LRP2: variants seen among roughly 807,000 people sequenced by gnomAD.
The protein encoded by LRP2 is low-density lipoprotein receptor-related protein 2.
A neutral mutation model predicts 531.0 loss-of-function variants in LRP2; 172 were observed. That is an observed-to-expected ratio of 0.32 (90% CI 0.29 to 0.37). The LOEUF (loss-of-function observed/expected upper bound fraction) is 0.37. LRP2 is among the 10% of genes least tolerant of loss of function. The pLI, the probability that LRP2 is intolerant of heterozygous loss-of-function variation, is 1.00. For missense variants in LRP2, 5,167 were observed against 5,868.3 expected (o/e 0.88, Z 3.90); for synonymous variants, 1,992 against 2,027.6 (o/e 0.98, Z 0.47).
At chr2:169,165,231 TG>T (rs1399049125) in intron 62 of LRP2, among the ~76,000 whole-genome samples, 1 of 152,166 alleles carries the variant, frequency 6.6e-6, no homozygotes, top group Non-Finnish European at 1.5e-5. Flanking sequence ...AAAAAATAAT[TG>T]GAGTCGGGGA....
At chr2:169,310,561 A>G (rs1353433177) in intron 3 of LRP2, among the ~76,000 whole-genome samples, 2 of 152,206 alleles carry the variant, frequency 1.3e-5, no homozygotes, top group Non-Finnish European at 2.9e-5. Flanking sequence ...CAACTTGATC[A>G]TGGTGGATAA....
chr2:169,234,912 G>GTT (rs35329615), intron 29 of LRP2, among the ~76,000 whole-genome samples: 1 of 144,998 alleles, frequency 6.9e-6, no homozygotes, highest in African/African-American at 2.5e-5. Context: ...GTTAATTTTT[G>GTT]TTTTTTTTTT....
At chr2:169,299,082 A>G (rs1266841406) in intron 4 of LRP2, among the ~76,000 whole-genome samples, 5 of 99,002 alleles carry the variant, frequency 5.1e-5, no homozygotes, top group African/African-American at 1.7e-4. Flanking sequence ...AAAGAAAGAA[A>G]GAAGGAAAGA....
intron 26 of LRP2, among the ~76,000 whole-genome samples, chr2:169,238,866 G>T (rs1294425173): frequency 3.9e-5 from 6 of 152,132 alleles, no homozygotes; most frequent in Non-Finnish European, 8.8e-5. Flanking sequence ...TGACCAATAG[G>T]ATGTGAGTAG....
At chr2:169,154,318 G>C (rs1294164118) in intron 66 of LRP2, 142 bp downstream of exon 66, 6 of 741,236 alleles carry the variant, frequency 8.1e-6, no homozygotes, top group Non-Finnish European at 1.4e-5. Flanking sequence ...AAGGCATCAG[G>C]AGCATGCTGG....
At chr2:169,309,074 G>GT (rs928674240) in intron 3 of LRP2, among the ~76,000 whole-genome samples, 1 of 152,020 alleles carries the variant, frequency 6.6e-6, no homozygotes, top group African/African-American at 2.4e-5. Flanking sequence ...GGGGTTGTTT[G>GT]TTTTTTTCTT....
Position 169,212,014 on chromosome 2 carries a change from C to T in LRP2, c.6234G>A (p.Leu2078=), listed in dbSNP as rs1402065697. 2 of 1,613,944 alleles carry T rather than the reference C, an allele frequency of 1.2e-6. No homozygotes were observed. The highest frequency in any genetic ancestry group is 1.7e-6 in the Non-Finnish European group (2 of 1,179,898). ...SMLSAIRGFS[L]ELSDHSETMV... Reference sequence around the variant, plus strand: ...TGGTTTCTGAATGATCTGACAATTCCAAGCTAAAGCCTCTGATTGCAGACA... The same window carrying T: ...TGGTTTCTGAATGATCTGACAATTCTAAGCTAAAGCCTCTGATTGCAGACA... Residue 2078 remains leucine (L), a synonymous_variant, in exon 37 of 79, where the codon TTG becomes TTA. Coordinates refer to ENST00000649046, the MANE Select transcript of LRP2 (RefSeq NM_004525.3).
Position 169,318,895 on chromosome 2 carries a change from C to A in LRP2, c.188-11G>T. ...GGCAGGTCACAACAGCTAAAACAAA[C>A]CAAAAGAGGACTCATTATGGCAATC... On this transcript the variant is annotated splice_polypyrimidine_tract_variant and intron_variant, in intron 2 of 78. Transcript: ENST00000649046. 6.2e-7 allele frequency: 1 copy of A among 1,614,018 alleles called. No homozygotes were observed. Among genetic ancestry groups the A allele is most frequent in the Non-Finnish European group, 8.5e-7 (1 of 1,179,960 alleles).
rs1242717497 is a variant in LRP2, at chr2:169,175,250, A to T, written c.10711T>A (p.Leu3571Ile). 1.2e-6 allele frequency: 2 copies of T among 1,614,074 alleles called. No individual in the cohort carries two copies. The highest frequency in any genetic ancestry group is 1.7e-6 in the Non-Finnish European group (2 of 1,180,050). ...GGGCAATTTTGGTGAGCATTGCATAAAGTCTGCGGGCTGGTGCAGTTGCCG... is the reference window on the plus strand; with the variant it reads ...GGGCAATTTTGGTGAGCATTGCATATAGTCTGCGGGCTGGTGCAGTTGCCG... ...SDGNCTSPQT[L>I]CNAHQNCPDG... is the part of the protein sequence containing the mutation. The change falls in exon 55 of 79, where the codon TTA becomes ATA. Residue 3571 changes from leucine (L) to isoleucine (I), a missense_variant. Physicochemically the swap from Leu to Ile is conservative, Grantham distance 5 (BLOSUM62 2). This residue lies in a region of LRP2 where 311 missense variants were observed against 309.4 expected (regional missense o/e 1.01). Transcript: ENST00000649046.
At chr2:169,170,448 A>G (rs1686952861) in intron 59 of LRP2, 103 bp downstream of exon 59, 1 of 857,416 alleles carries the variant, frequency 1.2e-6, no homozygotes, top group African/African-American at 1.7e-5. Flanking sequence ...TATTACACAT[A>G]TACAAAAATA....
At chr2:169,175,515 A>T (rs925528829) in intron 54 of LRP2, 126 bp from the exon 55 acceptor site, 2 of 797,316 alleles carry the variant, frequency 2.5e-6, no homozygotes, top group Non-Finnish European at 4.2e-6. Context: ...CTAGAAGAGG[A>T]TCAATTAAAT....
At chr2:169,357,731 T>G (rs1279767836) in intron 1 of LRP2, among the ~76,000 whole-genome samples, 2 of 152,192 alleles carry the variant, frequency 1.3e-5, no homozygotes, top group African/African-American at 2.4e-5. Flanking sequence ...ACACAGGAAA[T>G]ACATCTAGGT....
intron 76 of LRP2, 132 bp from the exon 77 acceptor site, chr2:169,132,813 T>C (rs1685343183): frequency 2.9e-6 from 2 of 688,656 alleles, no homozygotes; most frequent in Admixed American, 2.0e-5. Flanking sequence ...GGCACCATTT[T>C]TATTGCATGA....
At chr2:169,258,054 T>G (rs1690388510) in intron 17 of LRP2, among the ~76,000 whole-genome samples, 1 of 152,162 alleles carries the variant, frequency 6.6e-6, no homozygotes, top group African/African-American at 2.4e-5. Flanking sequence ...CTAAACTGTT[T>G]AACTCTCTAT....
At position 169,220,526 on chromosome 2, in the gene LRP2, G is replaced by A. The variant is rs1426246885; in HGVS notation, c.5576C>T (p.Thr1859Ile). Residue 1859 changes from threonine to isoleucine, a missense_variant, in exon 34 of 79, where the codon ACA (threonine) becomes ATA (isoleucine). Physicochemically the swap from Thr to Ile is moderately conservative, Grantham distance 89. Transcript: ENST00000649046. ...TLHGDIRYRKTLIANDGTALG... is the reference protein window; with the variant it reads ...TLHGDIRYRKILIANDGTALG... ...AGCTGTCCCATCATTGGCAATCAATGTTTTTCTGTATCTGATATCTCCGTG... is the reference window on the plus strand; with the variant it reads ...AGCTGTCCCATCATTGGCAATCAATATTTTTCTGTATCTGATATCTCCGTG... The A allele has an allele frequency of 1.2e-6, 2 of 1,613,278 alleles. No individual in the cohort carries two copies. The highest frequency in any genetic ancestry group is 1.7e-5 in the Admixed American group (1 of 59,938).
At chr2:169,221,181 C>A (rs996893020) in intron 33 of LRP2, among the ~76,000 whole-genome samples, 4 of 152,122 alleles carry the variant, frequency 2.6e-5, no homozygotes, top group Admixed American at 1.3e-4. Context: ...CCTTACGGGA[C>A]TAAGAGATAA....
rs774472421 is a variant in LRP2 at position 169,320,774 on chromosome 2, T to C, written c.187+3A>G. The C allele has an allele frequency of 1.2e-6, 2 of 1,613,232 alleles. No homozygotes were observed. The highest frequency in any genetic ancestry group is 2.2e-5 in the South Asian group (2 of 91,070). On this transcript the variant is annotated splice_donor_region_variant and intron_variant, in intron 2 of 78. Coordinates refer to ENST00000649046, the MANE Select transcript of LRP2 (RefSeq NM_004525.3). ...GAACTTAGCCTGGCCCCTCCTCACTTACCGCAGCCAATTTCATCCGCGTCA... is the reference window on the plus strand; with the variant it reads ...GAACTTAGCCTGGCCCCTCCTCACTCACCGCAGCCAATTTCATCCGCGTCA...
intron 42 of LRP2, among the ~76,000 whole-genome samples, chr2:169,203,779 C>T (rs1335389904): frequency 1.3e-5 from 2 of 152,098 alleles, no homozygotes; most frequent in South Asian, 2.1e-4. Flanking sequence ...AAAGAAAATG[C>T]TTTCATAAAA....
At chr2:169,247,277 C>CTAGA in intron 20 of LRP2, 101 bp downstream of exon 20, 1 of 1,254,466 alleles carries the variant, frequency 8.0e-7, no homozygotes, top group Non-Finnish European at 1.1e-6. Context: ...CTACCAGGAG[C>CTAGA]TAGACCTTTA....
Sources: allele counts gnomAD v4.1 joint callset (sites outside exome capture counted in the v4.1 genomes callset), GRCh38; gene constraint gnomAD v4.1.1; regional missense constraint gnomAD v4.1.1; transcripts MANE v1.5; gene names NCBI Gene and HGNC (gene_info 2026-07-23, HGNC 2026-07-21).